OSGEPL1: variants seen among roughly 807,000 people sequenced by gnomAD.
The protein encoded by OSGEPL1 is tRNA N6-adenosine threonylcarbamoyltransferase, mitochondrial.
Under a neutral mutation model 37.2 loss-of-function variants are expected in OSGEPL1, and 26 were observed. The ratio of observed to expected loss-of-function variants is 0.70; its 90% CI spans 0.51 to 0.97. The LOEUF is 0.97. Ranked by LOEUF, OSGEPL1 falls within the 50% of genes least tolerant of loss-of-function variation. The pLI is 0.00. For missense variants in OSGEPL1, 404 were observed against 487.0 expected, an observed-to-expected ratio of 0.83 and a Z score of 1.60; for synonymous variants, 140 against 159.9, an observed-to-expected ratio of 0.88 and a Z score of 0.94.
At chr2:189,750,135 T>C (rs2044919663) in intron 8 of OSGEPL1, among the ~76,000 whole-genome samples, 1 of 151,916 alleles carries the variant, frequency 6.6e-6, no homozygotes, top group Non-Finnish European at 1.5e-5. Context: ...CAAAAAATAA[T>C]AATGATAAAA....
chr2:189,761,076 T>A (rs1261355944), intron 2 of OSGEPL1: 2 of 113,156 alleles, frequency 1.8e-5, no homozygotes, highest in Non-Finnish European at 4.3e-5. Flanking sequence ...TGAATAGGAT[T>A]TTTTTTTTCA....
At chr2:189,759,253 C>CTT (rs111345865) in intron 2 of OSGEPL1, among the ~76,000 whole-genome samples, 21 of 144,564 alleles carry the variant, frequency 1.5e-4, no homozygotes, top group African/African-American at 3.8e-4. Context: ...GTTAATTTTC[C>CTT]TTTTTTTTTT....
chr2:189,762,170 T>C (rs1175096375), intron 1 of OSGEPL1, among the ~76,000 whole-genome samples: 5 of 152,334 alleles, frequency 3.3e-5, no homozygotes, highest in African/African-American at 1.2e-4. Context: ...ACACCTATTT[T>C]ATCCTTAATT....
rs1204525764 is a variant in OSGEPL1, at chr2:189,755,627, G to A, written c.222-67C>T. ...AAAAATGAAGAAAAATGATATTACAGCTAAAAGCATGTCTTCAAGTTAATC... is the reference window on the plus strand; with the variant it reads ...AAAAATGAAGAAAAATGATATTACAACTAAAAGCATGTCTTCAAGTTAATC... On this transcript the variant is annotated intron_variant, in intron 2 of 8. Transcript: ENST00000264151. 8.0e-6 allele frequency: 12 copies of A among 1,492,194 alleles called. No homozygotes were observed. The Admixed American group carries it at 2.0e-4, about 25-fold the overall frequency. The allele number at this position is 1,492,194 out of a possible 1,614,324, so 92.4% of individuals were successfully genotyped here.
In OSGEPL1 at chr2:189,761,613, C is replaced by T. The variant is rs1475321766; in HGVS notation, c.28G>A (p.Val10Ile). 3.7e-6 allele frequency: 6 copies of T among 1,603,680 alleles called. No homozygotes were observed. The highest frequency in any genetic ancestry group is 4.3e-6 in the Non-Finnish European group (5 of 1,175,940). The change falls in exon 2 of 9, where the codon GTT (valine) becomes ATT (isoleucine). Residue 10 changes from valine to isoleucine, a missense_variant. Transcript: ENST00000264151. The stretch of plus-strand genomic sequence containing the variant: ...TTCCTTTTTGATGGTTTAAAAAAAA[C>T]TCCTGCAGTCTTAGTCAAGATTAGC... MLILTKTAG[V>I]FFKPSKRKVY...
chr2:189,755,782 C>A (rs2106018591), intron 2 of OSGEPL1, among the ~76,000 whole-genome samples: 1 of 152,234 alleles, frequency 6.6e-6, no homozygotes, highest in South Asian at 2.1e-4. Context: ...GCACAACAGA[C>A]TCCCATGGAT....
intron 2 of OSGEPL1, 147 bp from the exon 3 acceptor site, chr2:189,755,707 A>G (rs1226751525): frequency 1.2e-6 from 1 of 838,824 alleles, no homozygotes; most frequent in Non-Finnish European, 1.7e-6. Context: ...CTAACATAGC[A>G]CACTATGGTT....
intron 2 of OSGEPL1, among the ~76,000 whole-genome samples, chr2:189,759,137 T>A (rs1559174380): frequency 1.3e-5 from 2 of 152,234 alleles, no homozygotes; most frequent in Admixed American, 1.3e-4. Context: ...AGTGCCTTAC[T>A]AATATCCAAC....
At chr2:189,752,063 G>A (rs1439045706) in intron 7 of OSGEPL1, among the ~76,000 whole-genome samples, 2 of 151,662 alleles carry the variant, frequency 1.3e-5, no homozygotes, top group Non-Finnish European at 2.9e-5. Flanking sequence ...ACAATCACTT[G>A]AATATGGGAA....
chr2:189,762,510 G>T, intron 1 of OSGEPL1, 175 bp downstream of exon 1: 1 of 829,838 alleles, frequency 1.2e-6, no homozygotes, highest in Non-Finnish European at 1.5e-6. Flanking sequence ...ATCTGGACAA[G>T]GAGGATTGTA....
rs762966073 is a variant in OSGEPL1 at position 189,752,665 on chromosome 2, C to T, written c.1154G>A (p.Arg385His). The change falls in exon 7 of 9, where the codon CGC (arginine) becomes CAC (histidine). Residue 385 changes from arginine (R) to histidine (H), a missense_variant. Transcript: ENST00000264151. ...TGATACCACATACTTTGGTTCATAG[C>T]GGATGCCTTCTATGTCATGTAAAAT... ...LGILHDIEGI[R>H]YEPKCPLGVD... is the part of the protein sequence containing the mutation. 3.3e-5 allele frequency: 53 copies of T among 1,613,668 alleles called. No individual in the cohort carries two copies. The highest frequency in any genetic ancestry group is 1.6e-4 in the Middle Eastern group (1 of 6,062).
chr2:189,749,244 T>TAA (rs397987026), intron 8 of OSGEPL1, among the ~76,000 whole-genome samples: 37,519 of 62,990 alleles, frequency 0.6, 12,744 homozygotes, highest in Non-Finnish European at 0.73. Context: ...AGACTCTGTC[T>TAA]AAAAAAAAAA....
chr2:189,761,443 A>T lies in OSGEPL1; in HGVS notation c.198T>A (p.His66Gln), dbSNP rs775469606. The T allele has an allele frequency of 1.0e-5, 16 of 1,605,666 alleles. No individual in the cohort carries two copies. Among genetic ancestry groups the T allele is most frequent in the Non-Finnish European group, 1.2e-5 (14 of 1,177,778 alleles). The change falls in exon 2 of 9, where the codon CAT becomes CAA. Residue 66 changes from histidine (H) to glutamine (Q), a missense_variant. Transcript: ENST00000264151. ...ACTTTAAATGAACTTCAGTTTGGGA[A>T]TGTATTGCTTCTCCCAACACATTTC... ...ETGNVLGEAI[H>Q]SQTEVHLKTG...
chr2:189,755,021 CTT>C lies in OSGEPL1; in HGVS notation c.609+150_609+151del, dbSNP rs1006080848. On this transcript the variant is annotated intron_variant, in intron 3 of 8. Transcript: ENST00000264151. Reference sequence around the variant, plus strand: ...AAGAATTATAAAATTGTGTACTACTCTTTCTATTTTTTCTCACCATATGTGAA... The same window carrying C: ...AAGAATTATAAAATTGTGTACTACTCTCTATTTTTTCTCACCATATGTGAA... 6 of 836,884 alleles carry C rather than the reference CTT, an allele frequency of 7.2e-6. No homozygotes were observed. The African/African-American group carries it at 1.0e-4, about 14-fold the overall frequency. The allele number at this position is 836,884 out of a possible 1,614,324, so 51.8% of individuals were successfully genotyped here.
intron 8 of OSGEPL1, 99 bp downstream of exon 8, chr2:189,750,451 G>T (rs1225078): frequency 0.4 from 3,525 of 8,854 alleles, 2 homozygotes; most frequent in South Asian, 0.47. Flanking sequence ...ACATCAAATA[G>T]AAAAAAAAAA....
At chr2:189,761,798 A>G in intron 1 of OSGEPL1, 138 bp from the exon 2 acceptor site, 1 of 772,458 alleles carries the variant, frequency 1.3e-6, no homozygotes, top group Non-Finnish European at 1.9e-6. Context: ...CAACATGGGA[A>G]TATAAATAAT....
intron 3 of OSGEPL1, chr2:189,754,661 C>T (rs547416111): frequency 7.3e-6 from 2 of 273,120 alleles, no homozygotes; most frequent in Non-Finnish European, 1.3e-5. Flanking sequence ...CCTATACTTC[C>T]TATTATTTCA....
At chr2:189,749,564 A>C (rs2044776639) in intron 8 of OSGEPL1, among the ~76,000 whole-genome samples, 1 of 152,060 alleles carries the variant, frequency 6.6e-6, no homozygotes, top group Non-Finnish European at 1.5e-5. Flanking sequence ...ATCCAAAAAA[A>C]CTCCCTCATT....
At chr2:189,760,259 A>G (rs959588003) in intron 2 of OSGEPL1, among the ~76,000 whole-genome samples, 5 of 152,200 alleles carry the variant, frequency 3.3e-5, no homozygotes, top group Admixed American at 2.0e-4. Flanking sequence ...CCCGTTCTCA[A>G]TGAACTGTTG....
Sources: allele counts gnomAD v4.1 joint callset (sites outside exome capture counted in the v4.1 genomes callset), GRCh38; gene constraint gnomAD v4.1.1; transcripts MANE v1.5; gene names NCBI Gene and HGNC (gene_info 2026-07-23, HGNC 2026-07-21).